Variants in ERBB4 observed in about 807,000 individuals in gnomAD.
The protein encoded by ERBB4 is erb-b2 receptor tyrosine kinase 4.
In ERBB4, 42 loss-of-function variants were observed where a neutral mutation model predicts 158.0. That is an observed-to-expected ratio of 0.27 (90% CI 0.21 to 0.34). The LOEUF (loss-of-function observed/expected upper bound fraction) is 0.34, where lower values mean the gene tolerates loss of function less well. Ranked by LOEUF, ERBB4 falls within the 10% of genes least tolerant of loss-of-function variation. The probability of loss-of-function intolerance (pLI) is 1.00; values close to 1 mark genes in which losing one functional copy is unlikely to be tolerated. For missense variants in ERBB4, 1,333 were observed against 1,624.1 expected (o/e 0.82, Z 3.08); for synonymous variants, 583 against 558.7 (o/e 1.04, Z -0.61).
chr2:211,516,329 T>A (rs1403651223), intron 20 of ERBB4, among the ~76,000 whole-genome samples: 1 of 151,598 alleles, frequency 6.6e-6, no homozygotes, highest in Non-Finnish European at 1.5e-5. Flanking sequence ...TTCTTCCCTT[T>A]TTTTTCTTTT....
chr2:212,342,538 T>A (rs545619857), intron 1 of ERBB4, among the ~76,000 whole-genome samples: 23 of 152,258 alleles, frequency 1.5e-4, no homozygotes, highest in Middle Eastern at 3.4e-3. Flanking sequence ...TCTTGGGTAT[T>A]CCTTCATAGC....
Position 211,381,666 on chromosome 2 carries a change from T to TTGGA in ERBB4, c.*1945_*1948dup, listed in dbSNP as rs1209990460. 3 of 231,508 alleles carry TTGGA rather than the reference T, an allele frequency of 1.3e-5. No homozygotes were observed. The highest frequency in any genetic ancestry group is 6.6e-5 in the African/African-American group (3 of 45,230). The allele number at this position is 231,508 out of a possible 1,614,324, so 14.3% of individuals were successfully genotyped here. On this transcript the variant is annotated 3_prime_UTR_variant, in exon 28 of 28. Transcript: ENST00000342788. ...GTAGACACAGTTAGATAAAGGAGGT[T>TTGGA]TGGATGGATGGATGGATGGATTTAC...
At chr2:212,320,222 T>C (rs887719366) in intron 1 of ERBB4, among the ~76,000 whole-genome samples, 1 of 89,884 alleles carries the variant, frequency 1.1e-5, no homozygotes, top group Admixed American at 1.3e-4. Context: ...ATTTACGCAG[T>C]CATACTTTTA....
chr2:211,387,942 T>C lies in ERBB4; in HGVS notation c.3183+3A>G. The C allele has an allele frequency of 1.2e-6, 2 of 1,604,276 alleles. No homozygotes were observed. The highest frequency in any genetic ancestry group is 1.7e-6 in the Non-Finnish European group (2 of 1,171,114). On this transcript the variant is annotated splice_donor_region_variant and intron_variant, in intron 26 of 27. Transcript: ENST00000342788. ...AGATGAAGGTTGATTGTGAAATACT[T>C]ACTCCTGACATGGGGGTGTAGGCAG... is the stretch of plus-strand genomic sequence containing the variant.
intron 1 of ERBB4, among the ~76,000 whole-genome samples, chr2:212,331,448 A>C (rs1293400932): frequency 6.6e-6 from 1 of 151,886 alleles, no homozygotes; most frequent in Admixed American, 6.6e-5. Context: ...CAGTAATAAA[A>C]ATTTTTAAAT....
In ERBB4 at chr2:211,729,070, T is replaced by A. The variant is rs529500789; in HGVS notation, c.623-3876A>T. On this transcript the variant is annotated intron_variant, in intron 5 of 27. Transcript: ENST00000342788. ...TAGCAATTATTATACTGTGGAACTA[T>A]TAAAATATTTTAAATTATTTAATCA... is the stretch of plus-strand genomic sequence containing the variant. Among the ~76,000 whole-genome samples, 5 of 151,936 alleles carry A rather than the reference T, an allele frequency of 3.3e-5. No individual in the cohort carries two copies. The East Asian group carries it at 9.6e-4, about 29-fold the overall frequency.
intron 2 of ERBB4, among the ~76,000 whole-genome samples, chr2:211,994,314 G>A (rs1250644935): frequency 1.3e-5 from 2 of 151,722 alleles, no homozygotes; most frequent in Non-Finnish European, 2.9e-5. Flanking sequence ...AAAAAAAATT[G>A]TAGAGACACA....
chr2:211,672,351 T>C (rs2071875942), intron 14 of ERBB4, among the ~76,000 whole-genome samples: 1 of 152,088 alleles, frequency 6.6e-6, no homozygotes, highest in South Asian at 2.1e-4. Context: ...AAATGATACT[T>C]AGGAATGAAA....
chr2:211,917,029 C>T (rs2079712558), intron 3 of ERBB4, among the ~76,000 whole-genome samples: 1 of 152,042 alleles, frequency 6.6e-6, no homozygotes, highest in Non-Finnish European at 1.5e-5. Context: ...CCAGTGGTTA[C>T]AACTAGGGAG....
chr2:212,383,227 C>T (rs77785831), intron 1 of ERBB4, among the ~76,000 whole-genome samples: 2,313 of 151,450 alleles, frequency 0.015, 51 homozygotes, highest in African/African-American at 0.053. Flanking sequence ...TCCCAGATGA[C>T]TTACCAGTTA....
intron 1 of ERBB4, among the ~76,000 whole-genome samples, chr2:212,423,036 A>T (rs1303617893): frequency 6.6e-6 from 1 of 152,178 alleles, no homozygotes; most frequent in Non-Finnish European, 1.5e-5. Context: ...TTTAGAAGAA[A>T]CCAAAATAAT....
Position 211,724,492 on chromosome 2 carries a change from C to A in ERBB4, c.741+584G>T, listed in dbSNP as rs138154497. On this transcript the variant is annotated intron_variant, in intron 6 of 27. Coordinates refer to ENST00000342788, the MANE Select transcript of ERBB4 (RefSeq NM_005235.3). ...AGCTTTAAAATTAAGCTGGTGTTCT[C>A]GGTATATGAAATTGAGTTAAATACA... Among the ~76,000 whole-genome samples the A allele has an allele frequency of 1.5e-3, 226 of 150,956 alleles. 1 individual carries two copies. The highest frequency in any genetic ancestry group is 5.0e-3 in the African/African-American group (207 of 41,100).
At chr2:212,281,773 T>C (rs1216722194) in intron 1 of ERBB4, among the ~76,000 whole-genome samples, 2 of 151,778 alleles carry the variant, frequency 1.3e-5, no homozygotes, top group Non-Finnish European at 2.9e-5. Flanking sequence ...CATCTTTCCA[T>C]CTACTTAAAT....
intron 3 of ERBB4, among the ~76,000 whole-genome samples, chr2:211,813,003 G>A (rs1191688321): frequency 6.6e-6 from 1 of 152,202 alleles, no homozygotes; most frequent in Non-Finnish European, 1.5e-5. Flanking sequence ...CACTTCCCGG[G>A]TGAGGTGATG....
At chr2:211,529,350 G>A (rs1248416513) in intron 20 of ERBB4, among the ~76,000 whole-genome samples, 2 of 151,578 alleles carry the variant, frequency 1.3e-5, no homozygotes, top group South Asian at 2.1e-4. Context: ...TAATGAGATC[G>A]ATCATAATAA....
chr2:211,847,397 T>C (rs1231648206), intron 3 of ERBB4, among the ~76,000 whole-genome samples: 1 of 152,098 alleles, frequency 6.6e-6, no homozygotes, highest in East Asian at 1.9e-4. Flanking sequence ...TGCCACTCAT[T>C]ATGCTGCCAA....
intron 2 of ERBB4, among the ~76,000 whole-genome samples, chr2:212,051,002 A>C (rs982863957): frequency 6.6e-6 from 1 of 152,178 alleles, no homozygotes; most frequent in Admixed American, 6.5e-5. Flanking sequence ...TAGCAAAGCC[A>C]TACTGTAACT....
intron 15 of ERBB4, among the ~76,000 whole-genome samples, chr2:211,664,019 C>T (rs538797199): frequency 3.3e-5 from 5 of 152,086 alleles, no homozygotes; most frequent in East Asian, 3.9e-4. Flanking sequence ...TAAATGTATA[C>T]GTGCTTATAT....
chr2:212,303,845 T>C (rs1339146049), intron 1 of ERBB4, among the ~76,000 whole-genome samples: 1 of 151,416 alleles, frequency 6.6e-6, no homozygotes, highest in Non-Finnish European at 1.5e-5. Flanking sequence ...TAATGCAGGG[T>C]AGAAGTGCAG....
Sources: allele counts gnomAD v4.1 joint callset (sites outside exome capture counted in the v4.1 genomes callset), GRCh38; gene constraint gnomAD v4.1.1; transcripts MANE v1.5; gene names NCBI Gene and HGNC (gene_info 2026-07-23, HGNC 2026-07-21).